The following CDK17 variants were observed in gnomAD, a reference collection of about 807,000 sequenced individuals.
CDK17 encodes the protein cyclin dependent kinase 17, also known as cyclin-dependent kinase 17.
Under a neutral mutation model 77.6 loss-of-function variants are expected in CDK17, and 24 were observed. That is an observed-to-expected ratio of 0.31 (90% CI 0.22 to 0.44). CDK17 has a LOEUF of 0.44. Among genes scored for constraint, CDK17 ranks in the 20% least tolerant of loss-of-function variants. The pLI is 1.00. For synonymous variants in CDK17, 203 were observed against 210.4 expected (o/e 0.96, Z 0.30); for missense variants, 429 against 622.5 (o/e 0.69, Z 3.31).
chr12:96,358,677 T>C (rs1953445345), intron 1 of CDK17, among the ~76,000 whole-genome samples: 1 of 151,690 alleles, frequency 6.6e-6, no homozygotes, highest in South Asian at 2.1e-4. Context: ...CAAAAAAAGG[T>C]AGCCAGGTGT....
intron 1 of CDK17, among the ~76,000 whole-genome samples, chr12:96,352,943 G>T (rs1031940121): frequency 1.3e-5 from 2 of 152,066 alleles, no homozygotes; most frequent in African/African-American, 4.8e-5. Context: ...CCATATAAAG[G>T]TATTAAAAGT....
At chr12:96,355,274 C>T (rs1359415053) in intron 1 of CDK17, among the ~76,000 whole-genome samples, 1 of 151,806 alleles carries the variant, frequency 6.6e-6, no homozygotes, top group African/African-American at 2.4e-5. Context: ...TTAGGTTCTA[C>T]TCAAATATCA....
rs1204650392 is a variant in CDK17, at chr12:96,295,126, C to T, written c.874-4G>A. 6.3e-7 allele frequency: 1 copy of T among 1,591,018 alleles called. No homozygotes were observed. The highest frequency in any genetic ancestry group is 1.4e-5 in the African/African-American group (1 of 73,504). ...GTAGAATTTGGTACAGAAACAGCTA[C>T]AGAAACAAATAAATAAAAATTAGTC... On this transcript the variant is annotated splice_polypyrimidine_tract_variant and splice_region_variant and intron_variant, in intron 9 of 16. Transcript: ENST00000261211.
At chr12:96,320,136 T>C (rs929058241) in intron 3 of CDK17, among the ~76,000 whole-genome samples, 1 of 152,124 alleles carries the variant, frequency 6.6e-6, no homozygotes, top group African/African-American at 2.4e-5. Context: ...ATCTTATACA[T>C]TGTACAAGCA....
At chr12:96,354,989 A>T (rs555998479) in intron 1 of CDK17, among the ~76,000 whole-genome samples, 1 of 152,238 alleles carries the variant, frequency 6.6e-6, no homozygotes, top group East Asian at 1.9e-4. Context: ...CAGCAGCCAG[A>T]GCAAACATAT....
intron 1 of CDK17, among the ~76,000 whole-genome samples, chr12:96,353,781 G>T (rs563527123): frequency 6.6e-6 from 1 of 152,148 alleles, no homozygotes; most frequent in Non-Finnish European, 1.5e-5. Flanking sequence ...AATTCAATAA[G>T]AAAGGTAATA....
intron 10 of CDK17, among the ~76,000 whole-genome samples, chr12:96,290,526 TATA>T (rs1952309878): frequency 6.6e-6 from 1 of 152,204 alleles, no homozygotes; most frequent in African/African-American, 2.4e-5. Flanking sequence ...TTCAGTTCAG[TATA>T]ATGGTGAAAG....
At chr12:96,389,869 C>T (rs1403634657) in intron 1 of CDK17, among the ~76,000 whole-genome samples, 1 of 149,296 alleles carries the variant, frequency 6.7e-6, no homozygotes, top group African/African-American at 2.5e-5. Flanking sequence ...CTCACTCTGT[C>T]ACCAGGCTGG....
intron 11 of CDK17, among the ~76,000 whole-genome samples, chr12:96,287,685 G>A: frequency 6.6e-6 from 1 of 152,058 alleles, no homozygotes; most frequent in East Asian, 1.9e-4. Context: ...AGAGATAATT[G>A]AAAGCAGGGT....
In CDK17 at chr12:96,300,377, G is replaced by T. The variant is rs1160402857; in HGVS notation, c.544-17C>A. On this transcript the variant is annotated splice_polypyrimidine_tract_variant and intron_variant, in intron 5 of 16. Transcript: ENST00000261211. ...AATTTCTGACTGAAAAGTAAACAAT[G>T]AAAAATGTAGTATTTACTTTTTTTT... 4.3e-6 allele frequency: 6 copies of T among 1,384,012 alleles called. No homozygotes were observed. The highest frequency in any genetic ancestry group is 6.0e-6 in the Non-Finnish European group (6 of 992,934). 85.7% of individuals were successfully genotyped at this position (1,384,012 alleles called of 1,614,324 possible).
chr12:96,387,092 G>A (rs559560123), intron 1 of CDK17: 13 of 337,318 alleles, frequency 3.9e-5, no homozygotes, highest in African/African-American at 1.8e-4. Flanking sequence ...TGTGTATCAC[G>A]GTGACATCCA....
intron 1 of CDK17, among the ~76,000 whole-genome samples, chr12:96,367,686 A>C (rs1425323284): frequency 1.3e-5 from 2 of 152,058 alleles, no homozygotes; most frequent in Non-Finnish European, 2.9e-5. Context: ...AGCAGAAGCA[A>C]AGTTGAAATC....
At chr12:96,293,563 C>T (rs1282637313) in intron 10 of CDK17, among the ~76,000 whole-genome samples, 1 of 152,152 alleles carries the variant, frequency 6.6e-6, no homozygotes, top group African/African-American at 2.4e-5. Context: ...TCTTATTTGA[C>T]ACTACATCAG....
chr12:96,313,481 GA>G, intron 3 of CDK17, 27 bp from the exon 4 acceptor site: 1 of 1,315,410 alleles, frequency 7.6e-7, no homozygotes, highest in Non-Finnish European at 1.0e-6. Flanking sequence ...GACATTAAAA[GA>G]GATACATTAT....
intron 2 of CDK17, among the ~76,000 whole-genome samples, chr12:96,328,310 T>A (rs900840363): frequency 6.6e-6 from 1 of 152,100 alleles, no homozygotes; most frequent in Non-Finnish European, 1.5e-5. Flanking sequence ...TATGTAATTA[T>A]TTCATTATAT....
At chr12:96,308,228 C>CT (rs1316896641) in intron 5 of CDK17, among the ~76,000 whole-genome samples, 1 of 92,240 alleles carries the variant, frequency 1.1e-5, no homozygotes, top group Non-Finnish European at 2.1e-5. Context: ...GATGCCATCT[C>CT]TAAAAAAAAA....
intron 6 of CDK17, 45 bp downstream of exon 6, chr12:96,300,259 G>T: frequency 7.7e-7 from 1 of 1,303,064 alleles, no homozygotes; most frequent in Non-Finnish European, 1.1e-6. Context: ...TTTGAATGAC[G>T]AATAAGAAAA....
chr12:96,293,507 A>G (rs1415447934), intron 10 of CDK17, among the ~76,000 whole-genome samples: 1 of 152,228 alleles, frequency 6.6e-6, no homozygotes, highest in Non-Finnish European at 1.5e-5. Context: ...TATGAGGTTG[A>G]AAGAGGAGGG....
At chr12:96,309,712 C>A (rs1952622014) in intron 5 of CDK17, among the ~76,000 whole-genome samples, 1 of 152,030 alleles carries the variant, frequency 6.6e-6, no homozygotes, top group South Asian at 2.1e-4. Flanking sequence ...TATAAACATA[C>A]AATAAACATA....
Sources: gnomAD v4.1 joint callset for allele counts (sites outside exome capture counted in the v4.1 genomes callset) on GRCh38, gnomAD v4.1.1 for gene constraint, MANE v1.5 for transcripts, NCBI Gene and HGNC (gene_info 2026-07-23, HGNC 2026-07-21) for gene names.